The following SESTD1 variants were observed in gnomAD, a reference collection of about 807,000 sequenced individuals.
SESTD1 encodes the protein SEC14 domain and spectrin repeat-containing protein 1.
In SESTD1, 43 loss-of-function variants were observed where a neutral mutation model predicts 101.7. The observed-to-expected ratio is 0.42, with a 90% CI of 0.33 to 0.55. SESTD1 has a LOEUF of 0.55. Among genes scored for constraint, SESTD1 ranks in the 20% least tolerant of loss-of-function variants. SESTD1 has a pLI of 0.07. For synonymous variants in SESTD1, 283 were observed against 286.8 expected, an observed-to-expected ratio of 0.99 and a Z score of 0.13; for missense variants, 647 against 815.1, an observed-to-expected ratio of 0.79 and a Z score of 2.51.
chr2:179,114,388 T>C (rs2044581489), intron 16 of SESTD1, among the ~76,000 whole-genome samples: 1 of 152,196 alleles, frequency 6.6e-6, no homozygotes, highest in African/African-American at 2.4e-5. Flanking sequence ...ACTTTTATTG[T>C]AAGAGATCAA....
chr2:179,204,831 C>T (rs1408530538), intron 1 of SESTD1, among the ~76,000 whole-genome samples: 1 of 133,082 alleles, frequency 7.5e-6, no homozygotes, highest in Non-Finnish European at 1.6e-5. Context: ...CTCCTGAAAG[C>T]TAGAAACAAG....
intron 9 of SESTD1, among the ~76,000 whole-genome samples, chr2:179,136,440 A>G (rs1257469158): frequency 2.0e-5 from 3 of 152,246 alleles, no homozygotes; most frequent in African/African-American, 7.2e-5. Context: ...AAGAAACAGA[A>G]ATAAAAAGAA....
intron 1 of SESTD1, among the ~76,000 whole-genome samples, chr2:179,239,234 A>AT (rs889482493): frequency 8.6e-5 from 13 of 151,736 alleles, no homozygotes; most frequent in Admixed American, 1.3e-4. Flanking sequence ...TGAATAGAGA[A>AT]TTTTTTTTTA....
chr2:179,147,577 G>A (rs1384754648), intron 7 of SESTD1, among the ~76,000 whole-genome samples: 1 of 152,126 alleles, frequency 6.6e-6, no homozygotes, highest in Non-Finnish European at 1.5e-5. Context: ...GGCCAGGATG[G>A]TCTTGATCTC....
chr2:179,179,211 T>C (rs528090621), intron 3 of SESTD1, among the ~76,000 whole-genome samples: 10 of 152,326 alleles, frequency 6.6e-5, no homozygotes, highest in South Asian at 2.1e-4. Context: ...ATACCCTTTA[T>C]AAAGGGCCTG....
At chr2:179,159,801 T>G (rs1053652831) in intron 5 of SESTD1, among the ~76,000 whole-genome samples, 1 of 152,160 alleles carries the variant, frequency 6.6e-6, no homozygotes, top group Non-Finnish European at 1.5e-5. Context: ...CAGTTTTATC[T>G]TATTGGAAAT....
intron 2 of SESTD1, among the ~76,000 whole-genome samples, chr2:179,184,444 G>GC (rs1400143275): frequency 6.6e-6 from 1 of 151,940 alleles, no homozygotes; most frequent in African/African-American, 2.4e-5. Flanking sequence ...AACGATTACT[G>GC]CCATCCAACC....
rs1488268446 is a variant in SESTD1, at chr2:179,103,069, G to A, written c.*6830C>T. 2 of 152,074 alleles carry A rather than the reference G, an allele frequency of 1.3e-5. No homozygotes were observed. Among genetic ancestry groups the A allele is most frequent in the Non-Finnish European group, 2.9e-5 (2 of 68,008 alleles). The allele number at this position is 152,074 out of a possible 1,614,324, so 9.4% of individuals were successfully genotyped here. On this transcript the variant is annotated 3_prime_UTR_variant, in exon 18 of 18. Coordinates refer to ENST00000428443, the MANE Select transcript of SESTD1 (RefSeq NM_178123.5). ...TTACTTTACCTACTGAAAACGGGTGGTGAAAGTTAGTAACATAAACAAACC... is the reference window on the plus strand; with the variant it reads ...TTACTTTACCTACTGAAAACGGGTGATGAAAGTTAGTAACATAAACAAACC...
chr2:179,187,898 C>T (rs1157896401), intron 2 of SESTD1, among the ~76,000 whole-genome samples: 1 of 152,076 alleles, frequency 6.6e-6, no homozygotes, highest in Non-Finnish European at 1.5e-5. Flanking sequence ...TAAATATATA[C>T]ACATGCACCC....
At chr2:179,186,171 G>A (rs1007570911) in intron 2 of SESTD1, among the ~76,000 whole-genome samples, 1 of 151,232 alleles carries the variant, frequency 6.6e-6, no homozygotes, top group Non-Finnish European at 1.5e-5. Context: ...ATTAGGACAG[G>A]ACATAAAAAA....
At chr2:179,187,976 C>A (rs1297755986) in intron 2 of SESTD1, among the ~76,000 whole-genome samples, 1 of 152,054 alleles carries the variant, frequency 6.6e-6, no homozygotes, top group Non-Finnish European at 1.5e-5. Flanking sequence ...GACAGCCACA[C>A]AATAATAGCA....
At chr2:179,138,066 C>T (rs572705889) in intron 9 of SESTD1, among the ~76,000 whole-genome samples, 36 of 152,170 alleles carry the variant, frequency 2.4e-4, no homozygotes, top group African/African-American at 8.7e-4. Context: ...ACATTATATG[C>T]TGAATATTAT....
chr2:179,218,540 C>A (rs2046757957), intron 1 of SESTD1, among the ~76,000 whole-genome samples: 1 of 150,600 alleles, frequency 6.6e-6, no homozygotes. Flanking sequence ...TTTTGTGTTA[C>A]CTTCAACCAA....
At position 179,202,845 on chromosome 2, in the gene SESTD1, C is replaced by T. The variant is rs2105510797; in HGVS notation, c.-25-10979G>A. 1.5e-5 allele frequency among the ~76,000 whole-genome samples: 2 copies of T among 135,088 alleles called. 1 individual carries two copies. The highest frequency in any genetic ancestry group is 5.7e-4 in the South Asian group (2 of 3,528). The allele number at this position is 135,088 out of a possible 152,430, so 88.6% of individuals were successfully genotyped here. On this transcript the variant is annotated intron_variant, in intron 1 of 17. Coordinates refer to ENST00000428443, the MANE Select transcript of SESTD1 (RefSeq NM_178123.5). ...ACATGCTTCCCCTCTCTGATGAGTG[C>T]CTTCCTCCAGAAAGATCCAATATCC...
At chr2:179,197,406 C>T (rs1356044557) in intron 1 of SESTD1, among the ~76,000 whole-genome samples, 1 of 151,502 alleles carries the variant, frequency 6.6e-6, no homozygotes, top group Non-Finnish European at 1.5e-5. Flanking sequence ...TCCAGGAGAA[C>T]TTCCCCAATC....
At position 179,149,296 on chromosome 2, in the gene SESTD1, CCTTT is replaced by C. The variant is rs2045466781; in HGVS notation, c.578_581del (p.Glu193GlyfsTer5). The C allele has an allele frequency of 3.1e-6, 5 of 1,606,626 alleles. No individual in the cohort carries two copies. The highest frequency in any genetic ancestry group is 4.3e-6 in the Non-Finnish European group (5 of 1,176,300). On this transcript the variant is annotated frameshift_variant and splice_region_variant, in exon 7 of 18. Coordinates refer to ENST00000428443, the MANE Select transcript of SESTD1 (RefSeq NM_178123.5). LOFTEE classifies it high-confidence loss of function. Reference sequence around the variant, plus strand: ...ATAATTGCATGCCACTAGCCACCTACCTTTCTTTCTCTTGCTGATTTCCTTTATC... The same window carrying C: ...ATAATTGCATGCCACTAGCCACCTACCTTTCTCTTGCTGATTTCCTTTATC...
At chr2:179,186,876 A>G (rs1193713189) in intron 2 of SESTD1, among the ~76,000 whole-genome samples, 1 of 152,050 alleles carries the variant, frequency 6.6e-6, no homozygotes, top group African/African-American at 2.4e-5. Flanking sequence ...AGGCTAGAGA[A>G]GAGTCAGATC....
At chr2:179,224,616 T>G (rs1025230397) in intron 1 of SESTD1, among the ~76,000 whole-genome samples, 3 of 152,116 alleles carry the variant, frequency 2.0e-5, no homozygotes, top group Non-Finnish European at 2.9e-5. Context: ...GTTGGAACTT[T>G]CAGTCCAACC....
intron 10 of SESTD1, among the ~76,000 whole-genome samples, chr2:179,126,275 C>A (rs550152347): frequency 6.6e-6 from 1 of 152,074 alleles, no homozygotes; most frequent in Non-Finnish European, 1.5e-5. Flanking sequence ...CAAAAAATTC[C>A]ATCTTGCCAC....
Sources: allele counts gnomAD v4.1 joint callset (sites outside exome capture counted in the v4.1 genomes callset), GRCh38; gene constraint gnomAD v4.1.1; transcripts MANE v1.5; gene names NCBI Gene and HGNC (gene_info 2026-07-23, HGNC 2026-07-21).